CACNA2D3: variants seen among roughly 807,000 people sequenced by gnomAD.
CACNA2D3 encodes the protein voltage-dependent calcium channel subunit alpha-2/delta-3.
In CACNA2D3, 60 loss-of-function variants were observed where a neutral mutation model predicts 160.6. That is an observed-to-expected ratio of 0.37 (90% CI 0.30 to 0.46). The LOEUF (loss-of-function observed/expected upper bound fraction) is 0.46, where lower values mean the gene tolerates loss of function less well. Among genes scored for constraint, CACNA2D3 ranks in the 20% least tolerant of loss-of-function variants. CACNA2D3 has a pLI of 1.00. For missense variants in CACNA2D3, 1,205 were observed against 1,365.0 expected (o/e 0.88, Z 1.85); for synonymous variants, 558 against 492.9 (o/e 1.13, Z -1.75).
chr3:54,754,252 T>C (rs1390572365), intron 12 of CACNA2D3, among the ~76,000 whole-genome samples: 1 of 152,156 alleles, frequency 6.6e-6, no homozygotes, highest in Non-Finnish European at 1.5e-5. Context: ...GCATAGCAAG[T>C]TAATAGGGAG....
chr3:55,021,713 G>GTATATATATA (rs1474697460), intron 35 of CACNA2D3, among the ~76,000 whole-genome samples: 10 of 137,138 alleles, frequency 7.3e-5, no homozygotes, highest in African/African-American at 3.3e-4. Flanking sequence ...ATATATGTGT[G>GTATATATATA]TGTATATATA....
chr3:55,027,871 G>C (rs1703598241), intron 35 of CACNA2D3, among the ~76,000 whole-genome samples: 1 of 152,136 alleles, frequency 6.6e-6, no homozygotes, highest in South Asian at 2.1e-4. Context: ...GCAAACCATA[G>C]AGCAACAATC....
chr3:54,782,711 A>AT, intron 13 of CACNA2D3, among the ~76,000 whole-genome samples: 1 of 152,110 alleles, frequency 6.6e-6, no homozygotes. Context: ...GAAAAAAAAA[A>AT]GTCTACTGAA....
At chr3:54,297,848 G>A (rs1703376017) in intron 2 of CACNA2D3, among the ~76,000 whole-genome samples, 1 of 152,106 alleles carries the variant, frequency 6.6e-6, no homozygotes, top group African/African-American at 2.4e-5. Context: ...GTGCATGGGG[G>A]CTATGGAGAT....
intron 13 of CACNA2D3, among the ~76,000 whole-genome samples, chr3:54,774,534 C>T (rs13325247): frequency 0.031 from 4,784 of 151,946 alleles, 233 homozygotes; most frequent in African/African-American, 0.11. Context: ...TCTCCAACAC[C>T]GGGGGTTACA....
chr3:54,161,494 A>G (rs528068323), intron 2 of CACNA2D3, among the ~76,000 whole-genome samples: 8 of 152,376 alleles, frequency 5.3e-5, no homozygotes, highest in African/African-American at 1.9e-4. Flanking sequence ...CGTCACAGTT[A>G]GCCCACCTTT....
intron 9 of CACNA2D3, among the ~76,000 whole-genome samples, chr3:54,592,514 A>G (rs1702880290): frequency 6.6e-6 from 1 of 152,158 alleles, no homozygotes; most frequent in Non-Finnish European, 1.5e-5. Context: ...GAGTTCAAAT[A>G]TAGAATTTAA....
chr3:54,257,583 G>A (rs1702322072), intron 2 of CACNA2D3, among the ~76,000 whole-genome samples: 1 of 152,114 alleles, frequency 6.6e-6, no homozygotes, highest in Non-Finnish European at 1.5e-5. Context: ...TGTCAGAGAG[G>A]ATGGTTTTCT....
intron 4 of CACNA2D3, among the ~76,000 whole-genome samples, chr3:54,412,242 C>T (rs1699679000): frequency 6.6e-6 from 1 of 151,636 alleles, no homozygotes; most frequent in Non-Finnish European, 1.5e-5. Context: ...CTGCATTCTC[C>T]TCTCTCTCAT....
chr3:54,454,990 C>T (rs1488487771), intron 4 of CACNA2D3, among the ~76,000 whole-genome samples: 1 of 152,120 alleles, frequency 6.6e-6, no homozygotes, highest in African/African-American at 2.4e-5. Flanking sequence ...TCTGTTCATT[C>T]ATCTGTTGAT....
In CACNA2D3 at chr3:54,793,692, G is replaced by A. The variant is rs115681356; in HGVS notation, c.1381-23161G>A. On this transcript the variant is annotated intron_variant, in intron 13 of 37. Transcript: ENST00000474759. ...GTCAGTGTAGTGCAGTGGCTTTGTA[G>A]AGAAAGCTGGGTTGTATTTGTTTGT... Among the ~76,000 whole-genome samples the A allele has an allele frequency of 7.8e-3, 1,189 of 152,308 alleles. 11 individuals are homozygous for A. Among genetic ancestry groups the A allele is most frequent in the South Asian group, 0.035 (168 of 4,824 alleles).
At chr3:54,458,993 A>G (rs191019649) in intron 4 of CACNA2D3, among the ~76,000 whole-genome samples, 18 of 152,092 alleles carry the variant, frequency 1.2e-4, no homozygotes, top group Admixed American at 4.6e-4. Context: ...TCATTGTTCA[A>G]TTCCCACCTA....
At chr3:54,655,631 A>G (rs1413704424) in intron 11 of CACNA2D3, among the ~76,000 whole-genome samples, 1 of 152,196 alleles carries the variant, frequency 6.6e-6, no homozygotes, top group Admixed American at 6.5e-5. Context: ...TATTTCACGA[A>G]TAAATATATG....
At chr3:54,875,669 T>C (rs1575524662) in intron 18 of CACNA2D3, 1 of 152,304 alleles carries the variant, frequency 6.6e-6, no homozygotes, top group East Asian at 1.9e-4. Context: ...GGCAGGAAAG[T>C]GGGTGCTTTG....
At chr3:54,249,330 A>G (rs894057883) in intron 2 of CACNA2D3, among the ~76,000 whole-genome samples, 1 of 152,100 alleles carries the variant, frequency 6.6e-6, no homozygotes, top group Non-Finnish European at 1.5e-5. Context: ...CAATGAGTAA[A>G]CAGATTGCCC....
chr3:54,601,088 C>G (rs555840221), intron 9 of CACNA2D3, among the ~76,000 whole-genome samples: 1 of 152,104 alleles, frequency 6.6e-6, no homozygotes, highest in Non-Finnish European at 1.5e-5. Flanking sequence ...GAGACTTGGT[C>G]GACATTTGAC....
intron 3 of CACNA2D3, 29 bp downstream of exon 3, chr3:54,320,587 C>A: frequency 1.5e-6 from 2 of 1,294,576 alleles, no homozygotes; most frequent in Non-Finnish European, 2.1e-6. Flanking sequence ...TGCCCTGTAT[C>A]GCCTGAAGGC....
intron 4 of CACNA2D3, among the ~76,000 whole-genome samples, chr3:54,443,820 G>A (rs150247674): frequency 7.7e-4 from 118 of 152,310 alleles, no homozygotes; most frequent in African/African-American, 2.6e-3. Flanking sequence ...TTGAGTCATC[G>A]GTCATAGATC....
At chr3:54,345,974 T>G (rs2107529034) in intron 3 of CACNA2D3, among the ~76,000 whole-genome samples, 1 of 152,172 alleles carries the variant, frequency 6.6e-6, no homozygotes, top group Non-Finnish European at 1.5e-5. Context: ...CATGCCAGGA[T>G]TTATAGGATG....
Sources: gnomAD v4.1 joint callset for allele counts (sites outside exome capture counted in the v4.1 genomes callset) on GRCh38, gnomAD v4.1.1 for gene constraint, MANE v1.5 for transcripts, NCBI Gene and HGNC (gene_info 2026-07-23, HGNC 2026-07-21) for gene names.